Variants in ERBIN observed in about 807,000 individuals in gnomAD.
ERBIN encodes the protein densin-180-like protein.
A neutral mutation model predicts 158.4 loss-of-function variants in ERBIN; 60 were observed. The observed-to-expected ratio is 0.38, with a 90% CI of 0.31 to 0.47. The LOEUF (loss-of-function observed/expected upper bound fraction) is 0.47. ERBIN is among the 20% of genes least tolerant of loss of function. The probability of loss-of-function intolerance (pLI) is 0.99; values close to 1 mark genes in which losing one functional copy is unlikely to be tolerated. For synonymous variants in ERBIN, 594 were observed against 557.2 expected, an observed-to-expected ratio of 1.07 and a Z score of -0.93; for missense variants, 1,610 against 1,648.0, an observed-to-expected ratio of 0.98 and a Z score of 0.40.
In ERBIN at chr5:66,081,135, T is replaced by C. The variant is rs577456712; in HGVS notation, c.*2605T>C. The C allele has an allele frequency of 6.6e-6, 1 of 152,090 alleles. No homozygotes were observed. The highest frequency in any genetic ancestry group is 2.1e-4 in the South Asian group (1 of 4,824). The allele number at this position is 152,090 out of a possible 1,614,324, so 9.4% of individuals were successfully genotyped here. ...TAGCAATTCATCAAAACCACAACTGTCTTTTAGTGATTTTGTCTTTAAGAG... is the reference window on the plus strand; with the variant it reads ...TAGCAATTCATCAAAACCACAACTGCCTTTTAGTGATTTTGTCTTTAAGAG... On this transcript the variant is annotated 3_prime_UTR_variant, in exon 26 of 26. Coordinates refer to ENST00000284037, the MANE Select transcript of ERBIN (RefSeq NM_001253697.2).
intron 1 of ERBIN, among the ~76,000 whole-genome samples, chr5:65,936,274 G>A (rs911195697): frequency 6.6e-6 from 1 of 152,082 alleles, no homozygotes; most frequent in Non-Finnish European, 1.5e-5. Flanking sequence ...AAGTTGGTTT[G>A]ACTTTCCTCT....
chr5:66,062,851 A>G (rs2151273424), intron 21 of ERBIN, among the ~76,000 whole-genome samples: 1 of 152,332 alleles, frequency 6.6e-6, no homozygotes, highest in Non-Finnish European at 1.5e-5. Flanking sequence ...GCTGCAGAAC[A>G]GCGGATATTG....
chr5:65,975,665 A>G (rs1300114178), intron 1 of ERBIN, among the ~76,000 whole-genome samples: 1 of 152,190 alleles, frequency 6.6e-6, no homozygotes, highest in Non-Finnish European at 1.5e-5. Context: ...ATGGGGACAA[A>G]AGTGTGATTG....
At chr5:66,038,207 A>G (rs1048237251) in intron 14 of ERBIN, among the ~76,000 whole-genome samples, 176 bp from the exon 15 acceptor site, 2 of 152,148 alleles carry the variant, frequency 1.3e-5, no homozygotes, top group African/African-American at 2.4e-5. Context: ...TTTCAAATCA[A>G]TGCCTAAAGT....
intron 15 of ERBIN, among the ~76,000 whole-genome samples, chr5:66,041,793 G>C (rs1047075277): frequency 2.6e-5 from 4 of 152,000 alleles, no homozygotes; most frequent in Non-Finnish European, 5.9e-5. Flanking sequence ...AAACTGCTGG[G>C]CTGTCCTTGC....
intron 1 of ERBIN, among the ~76,000 whole-genome samples, chr5:65,956,810 G>A (rs1255290745): frequency 1.3e-5 from 2 of 152,118 alleles, no homozygotes; most frequent in African/African-American, 2.4e-5. Flanking sequence ...CAACGTAGCT[G>A]GAGTTGGATT....
intron 20 of ERBIN, 112 bp downstream of exon 20, chr5:66,051,078 G>T: frequency 1.6e-6 from 1 of 629,432 alleles, no homozygotes; most frequent in Non-Finnish European, 2.5e-6. Context: ...AGTGGTTCCA[G>T]TAATATGTTT....
chr5:66,050,747 G>C (rs544035354), intron 19 of ERBIN, 36 bp from the exon 20 acceptor site: 4 of 1,354,696 alleles, frequency 3.0e-6, no homozygotes, highest in Non-Finnish European at 4.0e-6. Flanking sequence ...AATTCTTGGG[G>C]AATTTATCAT....
chr5:66,017,518 ATTTT>A (rs35773988), intron 7 of ERBIN, among the ~76,000 whole-genome samples: 5 of 135,392 alleles, frequency 3.7e-5, no homozygotes, highest in African/African-American at 8.0e-5. Context: ...TTACAATAGA[ATTTT>A]TTTTTTTTTT....
intron 1 of ERBIN, among the ~76,000 whole-genome samples, chr5:65,942,615 G>T (rs1427765684): frequency 2.0e-5 from 3 of 152,280 alleles, no homozygotes; most frequent in Middle Eastern, 3.4e-3. Flanking sequence ...AATTCTTCAT[G>T]ATCTCAAGTT....
chr5:66,044,454 T>A (rs1758213840), intron 17 of ERBIN, 144 bp downstream of exon 17: 1 of 743,280 alleles, frequency 1.3e-6, no homozygotes, highest in East Asian at 2.9e-5. Context: ...CTCACATACA[T>A]ATGATGGTGG....
At chr5:65,956,791 C>T (rs1303713359) in intron 1 of ERBIN, among the ~76,000 whole-genome samples, 2 of 152,000 alleles carry the variant, frequency 1.3e-5, no homozygotes, top group African/African-American at 4.8e-5. Flanking sequence ...ATTTTTTCAC[C>T]CTGAAGCACA....
intron 14 of ERBIN, among the ~76,000 whole-genome samples, chr5:66,034,293 G>A (rs1166834383): frequency 6.6e-6 from 1 of 151,622 alleles, no homozygotes; most frequent in African/African-American, 2.4e-5. Context: ...CATACTCATA[G>A]CTGTTTTTTT....
chr5:65,934,179 AGCC>A (rs1283207522), intron 1 of ERBIN, among the ~76,000 whole-genome samples: 1 of 152,212 alleles, frequency 6.6e-6, no homozygotes, highest in African/African-American at 2.4e-5. Flanking sequence ...TACAGGCGTG[AGCC>A]ACCGCGCCCA....
intron 1 of ERBIN, among the ~76,000 whole-genome samples, chr5:65,927,658 T>A (rs1020954188): frequency 6.6e-6 from 1 of 152,146 alleles, no homozygotes; most frequent in African/African-American, 2.4e-5. Context: ...TCACAGTGAT[T>A]GTGATAAAAA....
In ERBIN at chr5:66,054,142, G is replaced by T. The variant is rs1759341897; in HGVS notation, c.2824G>T (p.Ala942Ser). The T allele has an allele frequency of 6.2e-7, 1 of 1,614,030 alleles. No homozygotes were observed. The highest frequency in any genetic ancestry group is 2.2e-5 in the East Asian group (1 of 44,880). Reference protein sequence around the residue: ...SSSDLISGTKAIFKFDSNHNP... With the variant: ...SSSDLISGTKSIFKFDSNHNP... ...TTCTGATTTAATATCAGGAACAAAG[G>T]CAATTTTCAAGTTTGATTCAAATCA... is the stretch of plus-strand genomic sequence containing the variant. The change falls in exon 21 of 26, where the codon GCA becomes TCA. Residue 942 changes from alanine (A) to serine (S), a missense_variant. Ala to Ser is a moderately conservative substitution (Grantham distance 99). Around this residue, in one of 2 missense-constraint regions of ERBIN, gnomAD observed 1,014 missense variants for 936.1 expected, o/e 1.08. Transcript: ENST00000284037.
At chr5:65,980,359 TGGA>T (rs1304124974) in intron 1 of ERBIN, among the ~76,000 whole-genome samples, 1 of 151,596 alleles carries the variant, frequency 6.6e-6, no homozygotes, top group East Asian at 1.9e-4. Context: ...ACCTGGGAGG[TGGA>T]GGTTGCAGTG....
intron 1 of ERBIN, among the ~76,000 whole-genome samples, chr5:65,979,433 C>T (rs959892985): frequency 4.6e-5 from 7 of 152,004 alleles, no homozygotes; most frequent in South Asian, 2.1e-4. Context: ...GAAAAAAACC[C>T]GCAAACCAAA....
At chr5:66,004,485 A>G (rs557690494) in intron 4 of ERBIN, among the ~76,000 whole-genome samples, 37 of 151,994 alleles carry the variant, frequency 2.4e-4, no homozygotes, top group Non-Finnish European at 4.7e-4. Flanking sequence ...TGCAGTCTCC[A>G]CCTCCCAGGT....
Sources: allele counts gnomAD v4.1 joint callset (sites outside exome capture counted in the v4.1 genomes callset), GRCh38; gene constraint gnomAD v4.1.1; regional missense constraint gnomAD v4.1.1; transcripts MANE v1.5; gene names NCBI Gene and HGNC (gene_info 2026-07-23, HGNC 2026-07-21).